Variants in RANBP2 observed in about 807,000 individuals in gnomAD.
The protein encoded by RANBP2 is RAN binding protein 2, also known as E3 SUMO-protein ligase RanBP2.
Under a neutral mutation model 303.6 loss-of-function variants are expected in RANBP2, and 57 were observed. The ratio of observed to expected loss-of-function variants is 0.19; its 90% CI spans 0.15 to 0.23. The LOEUF (loss-of-function observed/expected upper bound fraction) is 0.23, where lower values mean the gene tolerates loss of function less well. Ranked by LOEUF, RANBP2 falls within the 10% of genes least tolerant of loss-of-function variation. RANBP2 has a pLI of 1.00. For missense variants in RANBP2, 3,138 were observed against 3,780.8 expected, an observed-to-expected ratio of 0.83 and a Z score of 4.46; for synonymous variants, 1,167 against 1,301.5, an observed-to-expected ratio of 0.90 and a Z score of 2.23.
At chr2:109,511,670 C>T in the RANBP2 span, among the ~76,000 whole-genome samples, 1 of 152,242 alleles carries the variant, frequency 6.6e-6, no homozygotes, top group African/African-American at 2.4e-5. Flanking sequence ...GCTTCTGCCT[C>T]CAGCTGGCTT....
chr2:108,892,837 T>G, the RANBP2 span, among the ~76,000 whole-genome samples: 5 of 152,218 alleles, frequency 3.3e-5, no homozygotes, highest in Non-Finnish European at 2.9e-5. Flanking sequence ...CTTTTGGTGT[T>G]TCCTGCCACT....
the RANBP2 span, among the ~76,000 whole-genome samples, chr2:108,953,569 A>G: frequency 1.3e-5 from 2 of 152,134 alleles, no homozygotes; most frequent in Non-Finnish European, 1.5e-5. Context: ...TGACAGTTGC[A>G]GTTACCTCCC....
chr2:109,043,220 C>A, the RANBP2 span, among the ~76,000 whole-genome samples: 1 of 152,224 alleles, frequency 6.6e-6, no homozygotes, highest in South Asian at 2.1e-4. Context: ...AACAACTTAC[C>A]TTTAGTGCGT....
chr2:109,398,955 C>T, the RANBP2 span: 37 of 1,602,724 alleles, frequency 2.3e-5, no homozygotes, highest in East Asian at 8.9e-5. Flanking sequence ...TAACATCCCG[C>T]GGGCCAGGGC....
chr2:109,368,432 A>G, the RANBP2 span, among the ~76,000 whole-genome samples: 12 of 152,266 alleles, frequency 7.9e-5, no homozygotes, highest in African/African-American at 2.9e-4. Flanking sequence ...TTAGAGAACT[A>G]ATTTTATTTT....
the RANBP2 span, among the ~76,000 whole-genome samples, chr2:109,347,484 G>A: frequency 2.6e-5 from 4 of 152,156 alleles, no homozygotes; most frequent in African/African-American, 9.7e-5. Context: ...TCTTATCTCA[G>A]TGGCGCCTCA....
At chr2:109,734,636 G>A in the RANBP2 span, among the ~76,000 whole-genome samples, 1 of 151,842 alleles carries the variant, frequency 6.6e-6, no homozygotes, top group Non-Finnish European at 1.5e-5. Context: ...AAATGGGGAA[G>A]CAGATCCTCA....
chr2:109,164,335 G>T, the RANBP2 span, among the ~76,000 whole-genome samples: 1,009 of 152,178 alleles, frequency 6.6e-3, 11 homozygotes, highest in African/African-American at 0.023. Context: ...AGCACAGGCT[G>T]CAACCCCTGG....
At chr2:109,300,239 G>A in the RANBP2 span, among the ~76,000 whole-genome samples, 10 of 152,148 alleles carry the variant, frequency 6.6e-5, no homozygotes, top group African/African-American at 2.2e-4. Context: ...TCACTCTGTC[G>A]CCCAGGCTGG....
the RANBP2 span, among the ~76,000 whole-genome samples, chr2:109,097,259 G>A: frequency 3.6e-3 from 553 of 152,150 alleles, 3 homozygotes; most frequent in Non-Finnish European, 6.2e-3. Flanking sequence ...AGGTGAGATC[G>A]CGCCACTGCA....
At chr2:109,323,921 T>G in the RANBP2 span, among the ~76,000 whole-genome samples, 1 of 152,228 alleles carries the variant, frequency 6.6e-6, no homozygotes, top group Non-Finnish European at 1.5e-5. Context: ...TCAGAAACTT[T>G]CCATCACTGT....
the RANBP2 span, among the ~76,000 whole-genome samples, chr2:109,371,422 G>T: frequency 2.6e-5 from 4 of 152,196 alleles, no homozygotes; most frequent in Non-Finnish European, 4.4e-5. Context: ...AAGAGAGGGT[G>T]CTCCTGGGTG....
chr2:108,921,619 C>T, the RANBP2 span, among the ~76,000 whole-genome samples: 1 of 152,204 alleles, frequency 6.6e-6, no homozygotes, highest in Non-Finnish European at 1.5e-5. Flanking sequence ...TTAGTGACTC[C>T]ATGGGGCTTT....
chr2:109,556,028 A>ACCT, the RANBP2 span, among the ~76,000 whole-genome samples: 2 of 152,196 alleles, frequency 1.3e-5, no homozygotes, highest in African/African-American at 2.4e-5. Context: ...AGCCTCATTC[A>ACCT]TCTCTGTGAC....
chr2:109,507,174 A>T, the RANBP2 span, among the ~76,000 whole-genome samples: 2 of 152,162 alleles, frequency 1.3e-5, no homozygotes, highest in Non-Finnish European at 2.9e-5. Context: ...AAGACAGAGC[A>T]CAGCCCCTGC....
the RANBP2 span, among the ~76,000 whole-genome samples, chr2:108,792,178 G>A: frequency 2.6e-4 from 39 of 152,246 alleles, no homozygotes; most frequent in African/African-American, 8.7e-4. Context: ...TAGTTGTGGC[G>A]GGATTTCAAG....
chr2:108,985,151 T>G, the RANBP2 span, among the ~76,000 whole-genome samples: 1 of 152,242 alleles, frequency 6.6e-6, no homozygotes, highest in African/African-American at 2.4e-5. Context: ...CTGTATCTTA[T>G]TTCAGTATTT....
At chr2:109,474,939 G>GT in the RANBP2 span, among the ~76,000 whole-genome samples, 5 of 152,312 alleles carry the variant, frequency 3.3e-5, no homozygotes, top group Admixed American at 2.6e-4. Flanking sequence ...ACCTTTCAGT[G>GT]TTTTTTGTCT....
At chr2:109,385,418 CA>C in the RANBP2 span, among the ~76,000 whole-genome samples, 963 of 152,302 alleles carry the variant, frequency 6.3e-3, 10 homozygotes, top group East Asian at 0.047. Flanking sequence ...TGTCCTGTTG[CA>C]AAAATGCATT....
Sources: allele counts gnomAD v4.1 joint callset (sites outside exome capture counted in the v4.1 genomes callset), GRCh38; gene constraint gnomAD v4.1.1; transcripts MANE v1.5; gene names NCBI Gene and HGNC (gene_info 2026-07-23, HGNC 2026-07-21).